The following PLA2G4E variants were observed in gnomAD, a reference collection of about 807,000 sequenced individuals.
The protein encoded by PLA2G4E is cytosolic phospholipase A2 epsilon.
Under a neutral mutation model 109.1 loss-of-function variants are expected in PLA2G4E, and 84 were observed. The ratio of observed to expected loss-of-function variants is 0.77; its 90% CI spans 0.65 to 0.92. PLA2G4E has a LOEUF of 0.92. Among genes scored for constraint, PLA2G4E ranks in the 40% least tolerant of loss-of-function variants. PLA2G4E has a pLI of 0.00. For synonymous variants in PLA2G4E, 469 were observed against 436.1 expected (o/e 1.08, Z -0.94); for missense variants, 1,057 against 1,076.6 (o/e 0.98, Z 0.25).
chr15:41,984,079 C>G (rs2068101445), intron 19 of PLA2G4E, 105 bp from the exon 20 acceptor site: 2 of 1,009,592 alleles, frequency 2.0e-6, no homozygotes, highest in Non-Finnish European at 3.0e-6. Flanking sequence ...CACGGACACA[C>G]ACACCTGCAT....
At chr15:41,987,913 CATGAGGGAAAG>C in intron 16 of PLA2G4E, 125 bp downstream of exon 16, 9 of 579,944 alleles carry the variant, frequency 1.6e-5, no homozygotes, top group Admixed American at 3.0e-5. Context: ...ATCACCCAGC[CATGAGGGAAAG>C]CCGGGGGCCG....
intron 3 of PLA2G4E, 102 bp downstream of exon 3, chr15:42,007,627 A>C (rs1264026612): frequency 1.4e-6 from 2 of 1,396,924 alleles, no homozygotes; most frequent in African/African-American, 2.9e-5. Context: ...GCAGAAAGGA[A>C]AACAAAGAGG....
intron 4 of PLA2G4E, 37 bp downstream of exon 4, chr15:42,005,953 T>A (rs77794028): frequency 1.2e-6 from 2 of 1,606,924 alleles, no homozygotes; most frequent in African/African-American, 2.7e-5. Context: ...GAGGTTATCA[T>A]GAAGCCGGAG....
chr15:41,995,563 A>G (rs2068325837), intron 11 of PLA2G4E, 67 bp from the exon 12 acceptor site: 1 of 1,586,254 alleles, frequency 6.3e-7, no homozygotes, highest in South Asian at 1.1e-5. Context: ...AAGACTTAGA[A>G]TGACGGCAAC....
intron 1 of PLA2G4E, among the ~76,000 whole-genome samples, chr15:42,041,431 A>G (rs959780026): frequency 5.9e-5 from 9 of 152,168 alleles, no homozygotes; most frequent in African/African-American, 1.9e-4. Context: ...GCTGGGCAGC[A>G]TCCTCCCTTA....
At chr15:42,046,118 C>T (rs895108030) in intron 1 of PLA2G4E, among the ~76,000 whole-genome samples, 7 of 152,218 alleles carry the variant, frequency 4.6e-5, no homozygotes, top group Non-Finnish European at 1.0e-4. Context: ...CCACCCCTAA[C>T]CAAGCCACCT....
rs775445275 is a variant in PLA2G4E, at chr15:42,003,752, G to A, written c.567-1056C>T. On this transcript the variant is annotated intron_variant, in intron 5 of 19. Coordinates refer to ENST00000399518, the Ensembl canonical transcript of PLA2G4E. ...CACCTGTCATCCTCCTTCTGTTCCC[G>A]GGCTCATCACAAGCATAGGGGGCTC... is the stretch of plus-strand genomic sequence containing the variant. Among the ~76,000 whole-genome samples the A allele has an allele frequency of 1.2e-4, 18 of 152,332 alleles. No individual in the cohort carries two copies. In the East Asian group the frequency reaches 3.1e-3, roughly 26 times the overall value.
chr15:42,025,257 A>C (rs2068683760), intron 1 of PLA2G4E, among the ~76,000 whole-genome samples: 1 of 152,130 alleles, frequency 6.6e-6, no homozygotes, highest in African/African-American at 2.4e-5. Context: ...GAAACATGAA[A>C]GGTGACTCGC....
chr15:42,036,705 G>T (rs1215277748), intron 1 of PLA2G4E, among the ~76,000 whole-genome samples: 3 of 152,292 alleles, frequency 2.0e-5, no homozygotes, highest in Middle Eastern at 3.4e-3. Flanking sequence ...CCGGGGCCCA[G>T]CCAGGACCTG....
intron 8 of PLA2G4E, 51 bp from the exon 9 acceptor site, chr15:42,000,051 C>G (rs964293056): frequency 1.9e-6 from 3 of 1,574,180 alleles, no homozygotes; most frequent in Non-Finnish European, 2.6e-6. Flanking sequence ...TCCTCTGGCA[C>G]CCCCCACCTG....
chr15:42,011,000 G>A (rs973795280), intron 2 of PLA2G4E, among the ~76,000 whole-genome samples: 1 of 152,222 alleles, frequency 6.6e-6, no homozygotes, highest in East Asian at 1.9e-4. Flanking sequence ...AAAAGACATC[G>A]GGATAGTCTT....
intron 1 of PLA2G4E, among the ~76,000 whole-genome samples, chr15:42,023,223 GC>G (rs1418901483): frequency 6.6e-6 from 1 of 151,842 alleles, no homozygotes; most frequent in African/African-American, 2.4e-5. Context: ...CCCAGGTAAG[GC>G]CCCTCTGCTC....
rs1297820413 is a variant in PLA2G4E at position 42,006,138 on chromosome 15, G to A, written c.394-17C>T. On this transcript the variant is annotated splice_polypyrimidine_tract_variant and intron_variant, in intron 3 of 19. Coordinates refer to ENST00000399518, the Ensembl canonical transcript of PLA2G4E. ...TAGCACGTTCTAGGGGAGAAGGAAG[G>A]ATGCCAGTCTGGTTACCACGGTTGC... The A allele has an allele frequency of 2.5e-6, 4 of 1,613,156 alleles. No individual in the cohort carries two copies. The highest frequency in any genetic ancestry group is 3.4e-6 in the Non-Finnish European group (4 of 1,179,378).
intron 3 of PLA2G4E, chr15:42,006,354 T>A: frequency 1.2e-5 from 5 of 413,314 alleles, no homozygotes. Context: ...GTTCTCACTT[T>A]CCTGCTAGAG....
At chr15:41,996,573 G>A (rs2068345356) in intron 11 of PLA2G4E, among the ~76,000 whole-genome samples, 1 of 152,188 alleles carries the variant, frequency 6.6e-6, no homozygotes, top group Admixed American at 6.5e-5. Flanking sequence ...GCGAGTGTGG[G>A]CCTTGGTCCA....
chr15:42,001,097 T>A, intron 7 of PLA2G4E, 60 bp downstream of exon 7: 1 of 1,513,684 alleles, frequency 6.6e-7, no homozygotes, highest in Non-Finnish European at 9.2e-7. Context: ...CTGATGCTGA[T>A]GGGATTTGGA....
At chr15:42,042,407 T>C (rs1889331322) in intron 1 of PLA2G4E, among the ~76,000 whole-genome samples, 1 of 152,218 alleles carries the variant, frequency 6.6e-6, no homozygotes, top group African/African-American at 2.4e-5. Context: ...TCAAATTTTG[T>C]AATGTCTATA....
chr15:42,031,413 C>T (rs1889112858), intron 1 of PLA2G4E, among the ~76,000 whole-genome samples: 3 of 152,174 alleles, frequency 2.0e-5, no homozygotes, highest in Non-Finnish European at 2.9e-5. Flanking sequence ...GATGTTTTTA[C>T]AGAGTGATGG....
chr15:41,984,349 T>C (rs1372914927), intron 19 of PLA2G4E, 87 bp downstream of exon 19: 2 of 1,383,600 alleles, frequency 1.4e-6, no homozygotes, highest in Non-Finnish European at 2.0e-6. Flanking sequence ...GGCTTCCCCG[T>C]TAGTGCCCTT....
Sources: allele counts gnomAD v4.1 joint callset (sites outside exome capture counted in the v4.1 genomes callset), GRCh38; gene constraint gnomAD v4.1.1; transcripts MANE v1.5; gene names NCBI Gene and HGNC (gene_info 2026-07-23, HGNC 2026-07-21).